SETBP1: variants seen among roughly 807,000 people sequenced by gnomAD.
SETBP1 encodes the protein SET binding protein 1, also known as SET-binding protein.
In SETBP1, 9 loss-of-function variants were observed where a neutral mutation model predicts 101.0. The ratio of observed to expected loss-of-function variants is 0.09; its 90% CI spans 0.05 to 0.16. The LOEUF (loss-of-function observed/expected upper bound fraction) is 0.16. SETBP1 is among the 10% of genes least tolerant of loss of function. SETBP1 has a pLI of 1.00. For missense variants in SETBP1, 1,858 were observed against 2,033.8 expected, an observed-to-expected ratio of 0.91 and a Z score of 1.66; for synonymous variants, 818 against 788.5, an observed-to-expected ratio of 1.04 and a Z score of -0.63.
intron 4 of SETBP1, among the ~76,000 whole-genome samples, chr18:44,978,892 T>A (rs1001103541): frequency 6.6e-6 from 1 of 152,220 alleles, no homozygotes; most frequent in Admixed American, 6.5e-5. Flanking sequence ...TCTTAAAGAT[T>A]GTGCAGACAC....
At chr18:44,890,935 A>C (rs1309503652) in intron 3 of SETBP1, among the ~76,000 whole-genome samples, 2 of 152,124 alleles carry the variant, frequency 1.3e-5, no homozygotes, top group African/African-American at 4.8e-5. Flanking sequence ...AAATGCTAAA[A>C]CATTTGACAA....
intron 3 of SETBP1, among the ~76,000 whole-genome samples, chr18:44,895,182 GGGGAT>G: frequency 9.4e-6 from 1 of 106,876 alleles, no homozygotes; most frequent in African/African-American, 3.5e-5. Flanking sequence ...GAGGAGGGGA[GGGGAT>G]GGGAGGGGAG....
chr18:44,868,416 C>G (rs1054513721), intron 2 of SETBP1, among the ~76,000 whole-genome samples: 1 of 151,654 alleles, frequency 6.6e-6, no homozygotes, highest in African/African-American at 2.4e-5. Context: ...AAAAAATGGT[C>G]GGGTGCAGTG....
At chr18:44,835,755 A>G (rs757214241) in intron 2 of SETBP1, among the ~76,000 whole-genome samples, 1 of 152,216 alleles carries the variant, frequency 6.6e-6, no homozygotes, top group Non-Finnish European at 1.5e-5. Flanking sequence ...CAAAGCTGTG[A>G]CTTCCAGACC....
chr18:44,802,517 A>G (rs1031258760), intron 2 of SETBP1, among the ~76,000 whole-genome samples: 65 of 152,280 alleles, frequency 4.3e-4, no homozygotes, highest in African/African-American at 1.3e-3. Flanking sequence ...TTCTTCAAGA[A>G]AGGAGTGTCT....
chr18:44,854,276 A>T (rs2144601437), intron 2 of SETBP1, among the ~76,000 whole-genome samples: 1 of 152,254 alleles, frequency 6.6e-6, no homozygotes, highest in Non-Finnish European at 1.5e-5. Flanking sequence ...AAACTCGCAG[A>T]CATGTAGACC....
At chr18:44,876,716 T>C (rs900662394) in intron 3 of SETBP1, 1 of 1,545,562 alleles carries the variant, frequency 6.5e-7, no homozygotes, top group Non-Finnish European at 8.7e-7. Context: ...ACTCTTCCTT[T>C]TCACAGTGAA....
chr18:44,867,756 A>G (rs1727409013), intron 2 of SETBP1, among the ~76,000 whole-genome samples: 1 of 152,154 alleles, frequency 6.6e-6, no homozygotes, highest in African/African-American at 2.4e-5. Flanking sequence ...GGAACAGTGC[A>G]GGTTTTACCT....
At chr18:44,956,704 A>C (rs2071490312) in intron 4 of SETBP1, among the ~76,000 whole-genome samples, 1 of 152,228 alleles carries the variant, frequency 6.6e-6, no homozygotes, top group South Asian at 2.1e-4. Flanking sequence ...GTGCTCCCTG[A>C]GATCAGAGCT....
At chr18:44,965,972 CTCTGTGCT>C (rs1184951696) in intron 4 of SETBP1, among the ~76,000 whole-genome samples, 1 of 152,204 alleles carries the variant, frequency 6.6e-6, no homozygotes, top group Non-Finnish European at 1.5e-5. Flanking sequence ...AGAGCAGTGA[CTCTGTGCT>C]TCATTTTTCA....
At chr18:44,708,784 CA>C (rs1292696808) in intron 2 of SETBP1, among the ~76,000 whole-genome samples, 1 of 152,096 alleles carries the variant, frequency 6.6e-6, no homozygotes, top group Non-Finnish European at 1.5e-5. Flanking sequence ...AGAAGAAAAA[CA>C]AAGCAGCATT....
rs577648706 is a variant in SETBP1 at position 44,726,531 on chromosome 18, A to G, written c.486+24699A>G. ...GCCAAATGACATCTAGAGAGTATATAAAAGAGGTAGTGTTTGAAGTCCAGT... is the reference window on the plus strand; with the variant it reads ...GCCAAATGACATCTAGAGAGTATATGAAAGAGGTAGTGTTTGAAGTCCAGT... On this transcript the variant is annotated intron_variant, in intron 2 of 5. Transcript: ENST00000649279. Among the ~76,000 whole-genome samples, 13 of 152,304 alleles carry G rather than the reference A, an allele frequency of 8.5e-5. No individual in the cohort carries two copies. In the South Asian group the frequency reaches 2.7e-3, roughly 32 times the overall value.
chr18:44,848,893 T>C (rs777929125), intron 2 of SETBP1, among the ~76,000 whole-genome samples: 11 of 152,250 alleles, frequency 7.2e-5, no homozygotes, highest in Non-Finnish European at 1.5e-4. Context: ...TGAAGTGCTA[T>C]GGCCTCAAGT....
intron 1 of SETBP1, among the ~76,000 whole-genome samples, chr18:44,690,917 A>G (rs1028542378): frequency 6.6e-6 from 1 of 152,216 alleles, no homozygotes; most frequent in African/African-American, 2.4e-5. Context: ...TACTGTATTT[A>G]ACCTATTTTG....
At chr18:44,925,019 T>C (rs1350981889) in intron 3 of SETBP1, among the ~76,000 whole-genome samples, 1 of 144,548 alleles carries the variant, frequency 6.9e-6, no homozygotes, top group Non-Finnish European at 1.6e-5. Flanking sequence ...TTTTTTTTTT[T>C]TTTTTTTTTT....
At chr18:44,828,698 GAC>G (rs1226533716) in intron 2 of SETBP1, among the ~76,000 whole-genome samples, 1 of 152,188 alleles carries the variant, frequency 6.6e-6, no homozygotes, top group Non-Finnish European at 1.5e-5. Flanking sequence ...CCCAAATGTA[GAC>G]AATGAAGCCC....
intron 4 of SETBP1, among the ~76,000 whole-genome samples, chr18:44,957,021 G>A (rs922294795): frequency 2.6e-5 from 4 of 152,062 alleles, no homozygotes; most frequent in South Asian, 4.1e-4. Context: ...CTAAATGTCC[G>A]TTTATAAAAA....
intron 2 of SETBP1, among the ~76,000 whole-genome samples, chr18:44,725,643 C>T (rs2069689489): frequency 6.6e-6 from 1 of 152,064 alleles, no homozygotes; most frequent in African/African-American, 2.4e-5. Flanking sequence ...GGTCATTTTG[C>T]CAATAGGAAC....
At chr18:45,034,254 C>T (rs1166545152) in intron 4 of SETBP1, among the ~76,000 whole-genome samples, 2 of 152,170 alleles carry the variant, frequency 1.3e-5, no homozygotes, top group Admixed American at 1.3e-4. Flanking sequence ...TGGTCTCTGA[C>T]CTTTTCGCAT....
Sources: gnomAD v4.1 joint callset for allele counts (sites outside exome capture counted in the v4.1 genomes callset) on GRCh38, gnomAD v4.1.1 for gene constraint, MANE v1.5 for transcripts, NCBI Gene and HGNC (gene_info 2026-07-23, HGNC 2026-07-21) for gene names.